TRIM24: variants seen among roughly 807,000 people sequenced by gnomAD.
TRIM24 encodes tripartite motif containing 24, also known as transcription intermediary factor 1-alpha.
Under a neutral mutation model 123.9 loss-of-function variants are expected in TRIM24, and 29 were observed. The ratio of observed to expected loss-of-function variants is 0.23; its 90% CI spans 0.17 to 0.32. The LOEUF is 0.32. Ranked by LOEUF, TRIM24 falls within the 10% of genes least tolerant of loss-of-function variation. The probability of loss-of-function intolerance (pLI) is 1.00; values close to 1 mark genes in which losing one functional copy is unlikely to be tolerated. For missense variants in TRIM24, 932 were observed against 1,295.3 expected (o/e 0.72, Z 4.31); for synonymous variants, 456 against 461.1 (o/e 0.99, Z 0.14).
Position 138,460,502 on chromosome 7 carries a change from G to A in TRIM24, c.-47G>A. 2 of 1,260,340 alleles carry A rather than the reference G, an allele frequency of 1.6e-6. No homozygotes were observed. The highest frequency in any genetic ancestry group is 2.0e-6 in the Non-Finnish European group (2 of 1,007,296). The allele number at this position is 1,260,340 out of a possible 1,614,324, so 78.1% of individuals were successfully genotyped here. A position where few individuals can be genotyped will look rare whatever the true frequency, so the allele number is the denominator to read the frequency against. ...GAGGAGGAGGTCGTCGGGGGCGGCGGGCGGAGACCGCGCTCTCGCTTCCCC... is the reference window on the plus strand; with the variant it reads ...GAGGAGGAGGTCGTCGGGGGCGGCGAGCGGAGACCGCGCTCTCGCTTCCCC... On this transcript the variant is annotated 5_prime_UTR_variant, in exon 1 of 19. Transcript: ENST00000343526.
At chr7:138,504,197 A>G in intron 1 of TRIM24, 93 bp from the exon 2 acceptor site, 2 of 732,114 alleles carry the variant, frequency 2.7e-6, no homozygotes, top group Non-Finnish European at 4.1e-6. Context: ...AAGAATGGAC[A>G]TTGAAAAAGA....
chr7:138,573,435 T>C, intron 11 of TRIM24, 72 bp from the exon 12 acceptor site: 1 of 1,361,454 alleles, frequency 7.3e-7, no homozygotes, highest in Non-Finnish European at 9.8e-7. Flanking sequence ...TATTGAAGCT[T>C]TCTTATAAAT....
chr7:138,466,601 ATCTCG>A (rs1269489630), intron 1 of TRIM24, among the ~76,000 whole-genome samples: 1 of 145,934 alleles, frequency 6.9e-6, no homozygotes, highest in Non-Finnish European at 1.5e-5. Flanking sequence ...GTGATCACCC[ATCTCG>A]TCTCCCAAAG....
At chr7:138,523,297 G>C (rs1341321827) in intron 4 of TRIM24, among the ~76,000 whole-genome samples, 1 of 152,134 alleles carries the variant, frequency 6.6e-6, no homozygotes, top group African/African-American at 2.4e-5. Flanking sequence ...ATTTTTACAT[G>C]ATATTGGAAA....
At chr7:138,553,847 A>G (rs1307852490) in intron 8 of TRIM24, among the ~76,000 whole-genome samples, 1 of 152,114 alleles carries the variant, frequency 6.6e-6, no homozygotes, top group Non-Finnish European at 1.5e-5. Flanking sequence ...TGTTGACTTC[A>G]GTAGGGATAG....
At chr7:138,560,292 G>C (rs1004425412) in intron 9 of TRIM24, among the ~76,000 whole-genome samples, 1 of 152,202 alleles carries the variant, frequency 6.6e-6, no homozygotes. Context: ...GGCTACAAAT[G>C]CTGGACCATT....
intron 9 of TRIM24, among the ~76,000 whole-genome samples, chr7:138,560,666 T>C (rs772889609): frequency 3.3e-5 from 5 of 152,204 alleles, no homozygotes; most frequent in Admixed American, 6.5e-5. Flanking sequence ...CCTTATTATA[T>C]GAGTTCCTTG....
At chr7:138,481,925 C>T (rs1200021252) in intron 1 of TRIM24, among the ~76,000 whole-genome samples, 1 of 152,124 alleles carries the variant, frequency 6.6e-6, no homozygotes, top group Non-Finnish European at 1.5e-5. Flanking sequence ...AGGTTGCAGT[C>T]CAGTTTCACT....
chr7:138,581,397 G>A (rs1228161796), intron 16 of TRIM24, among the ~76,000 whole-genome samples: 2 of 152,130 alleles, frequency 1.3e-5, no homozygotes, highest in Admixed American at 6.5e-5. Context: ...AGAGACGTAC[G>A]TTCTTCCTTT....
chr7:138,544,523 T>C (rs1438908740), intron 7 of TRIM24, among the ~76,000 whole-genome samples: 1 of 152,198 alleles, frequency 6.6e-6, no homozygotes, highest in East Asian at 1.9e-4. Context: ...CCTGTTGTAA[T>C]ATACCCAGCA....
chr7:138,474,915 G>T (rs1024592964), intron 1 of TRIM24, among the ~76,000 whole-genome samples: 1 of 152,136 alleles, frequency 6.6e-6, no homozygotes, highest in Non-Finnish European at 1.5e-5. Flanking sequence ...TCTAACTGTA[G>T]AACTAAATTT....
At chr7:138,523,533 A>ATC (rs1796545571) in intron 4 of TRIM24, among the ~76,000 whole-genome samples, 1 of 152,100 alleles carries the variant, frequency 6.6e-6, no homozygotes, top group East Asian at 1.9e-4. Flanking sequence ...AGGCGGGCGG[A>ATC]TCACAAGGTC....
chr7:138,569,813 C>T (rs894193321), intron 10 of TRIM24, among the ~76,000 whole-genome samples: 6 of 152,144 alleles, frequency 3.9e-5, no homozygotes, highest in African/African-American at 1.4e-4. Context: ...TTGCAGTACA[C>T]TTAGTTACTT....
intron 11 of TRIM24, among the ~76,000 whole-genome samples, chr7:138,571,653 C>T (rs1584745067): frequency 6.6e-6 from 1 of 152,320 alleles, no homozygotes; most frequent in Non-Finnish European, 1.5e-5. Context: ...AAAATTACCT[C>T]TGGTTTATAC....
chr7:138,462,595 CTCCCA>C, intron 1 of TRIM24, among the ~76,000 whole-genome samples: 1 of 152,094 alleles, frequency 6.6e-6, no homozygotes, highest in East Asian at 1.9e-4. Flanking sequence ...CCGCCTCGGC[CTCCCA>C]AAGTGCTGGG....
In TRIM24 at chr7:138,468,980, G is replaced by T. The variant is rs1795211614; in HGVS notation, c.364+8068G>T. On this transcript the variant is annotated intron_variant, in intron 1 of 18. Coordinates refer to ENST00000343526, the MANE Select transcript of TRIM24 (RefSeq NM_015905.3). ...CAGTTAGGGAATCAAGATTTAGGGG[G>T]CTTATTCACCTGAGCTTTTCTTTCC... Among the ~76,000 whole-genome samples, 3 of 152,148 alleles carry T rather than the reference G, an allele frequency of 2.0e-5. No homozygotes were observed. The South Asian group carries it at 6.2e-4, about 32-fold the overall frequency.
intron 2 of TRIM24, among the ~76,000 whole-genome samples, chr7:138,508,720 C>CCT (rs1304489973): frequency 1.4e-5 from 1 of 72,514 alleles, no homozygotes; most frequent in Non-Finnish European, 3.1e-5. Context: ...TGTGTGTGTG[C>CCT]GTGTGTGTGT....
intron 1 of TRIM24, among the ~76,000 whole-genome samples, chr7:138,492,229 T>C (rs1048103411): frequency 1.1e-4 from 14 of 130,056 alleles, no homozygotes; most frequent in African/African-American, 4.0e-4. Context: ...CTGTGATTGT[T>C]ATCACTGTCC....
In TRIM24 at chr7:138,579,385, T is replaced by C. The variant is rs1208797115; in HGVS notation, c.2438T>C (p.Leu813Pro). 1.2e-6 allele frequency: 2 copies of C among 1,614,144 alleles called. No individual in the cohort carries two copies. Among genetic ancestry groups the C allele is most frequent in the South Asian group, 1.1e-5 (1 of 91,082 alleles). Reference sequence around the variant, plus strand: ...TTGGATCCTTCCCAGAAGTCACCTCTTCATGTTGGAGAGACAAGGAAAGAG... The same window carrying C: ...TTGGATCCTTCCCAGAAGTCACCTCCTCATGTTGGAGAGACAAGGAAAGAG... ...EWLDPSQKSP[L>P]HVGETRKEDD... Residue 813 changes from leucine to proline, a missense_variant, in exon 15 of 19, where the codon CTT (leucine) becomes CCT (proline). Physicochemically the swap from Leu to Pro is moderately conservative, Grantham distance 98. Coordinates refer to ENST00000343526, the MANE Select transcript of TRIM24 (RefSeq NM_015905.3).
Sources: allele counts gnomAD v4.1 joint callset (sites outside exome capture counted in the v4.1 genomes callset), GRCh38; gene constraint gnomAD v4.1.1; transcripts MANE v1.5; gene names NCBI Gene and HGNC (gene_info 2026-07-23, HGNC 2026-07-21).